Variants in ZNF532 observed in about 807,000 individuals in gnomAD.
The protein encoded by ZNF532 is zinc finger protein 532.
In ZNF532, 22 loss-of-function variants were observed where a neutral mutation model predicts 89.3. The ratio of observed to expected loss-of-function variants is 0.25; its 90% CI spans 0.18 to 0.35. The LOEUF is 0.35. Ranked by LOEUF, ZNF532 falls within the 10% of genes least tolerant of loss-of-function variation. The probability of loss-of-function intolerance (pLI) is 1.00; values close to 1 mark genes in which losing one functional copy is unlikely to be tolerated. For synonymous variants in ZNF532, 606 were observed against 649.6 expected, an observed-to-expected ratio of 0.93 and a Z score of 1.02; for missense variants, 1,132 against 1,643.4, an observed-to-expected ratio of 0.69 and a Z score of 5.38.
At chr18:58,952,949 G>A (rs2064365340) in intron 6 of ZNF532, among the ~76,000 whole-genome samples, 1 of 152,254 alleles carries the variant, frequency 6.6e-6, no homozygotes, top group African/African-American at 2.4e-5. Flanking sequence ...AGGATGGGTC[G>A]GGATAGGATG....
At chr18:58,937,788 A>G (rs1366796283) in intron 4 of ZNF532, among the ~76,000 whole-genome samples, 2 of 152,210 alleles carry the variant, frequency 1.3e-5, no homozygotes, top group Non-Finnish European at 2.9e-5. Flanking sequence ...CATTTTACAA[A>G]TGAGTAACTG....
At chr18:58,947,708 G>A (rs1050237660) in intron 5 of ZNF532, among the ~76,000 whole-genome samples, 1 of 149,440 alleles carries the variant, frequency 6.7e-6, no homozygotes, top group Non-Finnish European at 1.5e-5. Flanking sequence ...TGCCTTGTCT[G>A]ATCTTAAAAA....
intron 2 of ZNF532, among the ~76,000 whole-genome samples, chr18:58,899,128 G>A (rs1029566904): frequency 1.3e-5 from 2 of 152,218 alleles, no homozygotes; most frequent in African/African-American, 2.4e-5. Flanking sequence ...CAGCGAGTCC[G>A]TGTGATTGTT....
At chr18:58,922,953 G>C (rs545372117) in intron 3 of ZNF532, among the ~76,000 whole-genome samples, 1 of 151,660 alleles carries the variant, frequency 6.6e-6, no homozygotes, top group Non-Finnish European at 1.5e-5. Flanking sequence ...AGGGTGAAAC[G>C]GGTGAAACTC....
chr18:58,979,132 C>T lies in ZNF532; in HGVS notation c.3228C>T (p.Ile1076=), dbSNP rs1245669972. The T allele has an allele frequency of 1.2e-6, 2 of 1,613,282 alleles. No individual in the cohort carries two copies. Residue 1076 remains isoleucine, a synonymous_variant, in exon 8 of 10, where the codon ATC becomes ATT. Coordinates refer to ENST00000591808, the MANE Select transcript of ZNF532 (RefSeq NM_001375912.1). ...ACAGCCTGTGCCGGCACAACCGGAT[C>T]AAGCACAAAGGCATCAGGAAAGTGT... The part of the protein sequence containing the change: ...SSHSLCRHNR[I]KHKGIRKVYA...
chr18:58,960,147 C>G (rs1433971054), intron 7 of ZNF532, among the ~76,000 whole-genome samples: 1 of 152,178 alleles, frequency 6.6e-6, no homozygotes, highest in Non-Finnish European at 1.5e-5. Flanking sequence ...CCCTGTTGCC[C>G]AGGCTGGTCT....
chr18:58,972,706 A>G (rs528522345), intron 7 of ZNF532, among the ~76,000 whole-genome samples: 1 of 152,122 alleles, frequency 6.6e-6, no homozygotes, highest in African/African-American at 2.4e-5. Context: ...GCTCGCCTCT[A>G]TCCTCAGTCT....
chr18:58,952,383 T>A (rs1003398046), intron 6 of ZNF532, among the ~76,000 whole-genome samples: 2 of 152,186 alleles, frequency 1.3e-5, no homozygotes, highest in African/African-American at 2.4e-5. Context: ...TATTTTTTGC[T>A]CTCCTCCACC....
rs73959550 is a variant in ZNF532 at position 58,968,923 on chromosome 18, C to T, written c.3151-10132C>T. The stretch of plus-strand genomic sequence containing the variant: ...ATTTTAAGAATTTAGGACATGATTC[C>T]GTCTGTAAATTGACATTACCTTGAA... On this transcript the variant is annotated intron_variant, in intron 7 of 9. Transcript: ENST00000591808. Among the ~76,000 whole-genome samples the T allele has an allele frequency of 9.0e-3, 1,371 of 152,218 alleles. 27 individuals carry two copies. The highest frequency in any genetic ancestry group is 0.031 in the African/African-American group (1,286 of 41,530).
intron 2 of ZNF532, among the ~76,000 whole-genome samples, chr18:58,913,144 T>C (rs948799865): frequency 6.6e-6 from 1 of 152,176 alleles, no homozygotes; most frequent in African/African-American, 2.4e-5. Context: ...TTTTCTTTTC[T>C]TTGGTGGAAG....
rs947003793 is a variant in ZNF532 at position 58,954,063 on chromosome 18, A to C, written c.3150+264A>C. The C allele has an allele frequency of 3.1e-6, 3 of 982,802 alleles. No homozygotes were observed. The African/African-American group carries it at 5.2e-5, about 17-fold the overall frequency. The allele number at this position is 982,802 out of a possible 1,614,324, so 60.9% of individuals were successfully genotyped here. ...ATGTGGTAAGTTACCTATCACATTC[A>C]TATTTATAGCTTAGGAAAGAGAAAA... On this transcript the variant is annotated intron_variant, in intron 7 of 9. Coordinates refer to ENST00000591808, the MANE Select transcript of ZNF532 (RefSeq NM_001375912.1).
chr18:58,979,007 G>C lies in ZNF532; in HGVS notation c.3151-48G>C, dbSNP rs754879848. 31 of 1,417,152 alleles carry C rather than the reference G, an allele frequency of 2.2e-5. 1 individual carries two copies. In the South Asian group the frequency reaches 3.6e-4, roughly 17 times the overall value. The allele number at this position is 1,417,152 out of a possible 1,614,324, so 87.8% of individuals were successfully genotyped here. On this transcript the variant is annotated intron_variant, in intron 7 of 9. Coordinates refer to ENST00000591808, the MANE Select transcript of ZNF532 (RefSeq NM_001375912.1). ...TACAAAAGAGTTCTTAATTGTTTGA[G>C]TGCATCTATTTTCATTCCCTTAAGT... is the stretch of plus-strand genomic sequence containing the variant.
chr18:58,885,679 A>G (rs2058248449), intron 2 of ZNF532, among the ~76,000 whole-genome samples: 1 of 151,706 alleles, frequency 6.6e-6, no homozygotes, highest in South Asian at 2.1e-4. Flanking sequence ...ACATGGTGAA[A>G]CTCCGTTTCT....
At chr18:58,963,148 C>G (rs964887688) in intron 7 of ZNF532, among the ~76,000 whole-genome samples, 5 of 152,160 alleles carry the variant, frequency 3.3e-5, no homozygotes, top group Non-Finnish European at 7.4e-5. Context: ...GCAGGGGACA[C>G]AACTCTCTGG....
chr18:58,920,125 C>T lies in ZNF532; in HGVS notation c.1838C>T (p.Thr613Met), dbSNP rs570367575. 6.0e-5 allele frequency: 97 copies of T among 1,613,966 alleles called. No homozygotes were observed. In the South Asian group the frequency reaches 7.1e-4, roughly 12 times the overall value. ...GCCAATGCAGGGATCACGTTACCGA[C>T]GCGTGGGTACAAGTGCTTGGAGTGT... ...PPANAGITLP[T>M]RGYKCLECGD... Residue 613 changes from threonine (T) to methionine (M), a missense_variant, in exon 3 of 10, where the codon ACG becomes ATG. By Grantham distance (81) the Thr-to-Met change is moderately conservative. Coordinates refer to ENST00000591808, the MANE Select transcript of ZNF532 (RefSeq NM_001375912.1).
chr18:58,954,661 C>CT (rs141106605), intron 7 of ZNF532, among the ~76,000 whole-genome samples: 16,654 of 128,952 alleles, frequency 0.13, 1,006 homozygotes, highest in South Asian at 0.16. Context: ...GTAATTGATA[C>CT]TTTTTTTTTT....
At chr18:58,967,557 C>G (rs1187141247) in intron 7 of ZNF532, among the ~76,000 whole-genome samples, 1 of 152,218 alleles carries the variant, frequency 6.6e-6, no homozygotes, top group Non-Finnish European at 1.5e-5. Context: ...GTGCACCCTT[C>G]CGTGCACCTG....
At chr18:58,934,386 A>T in intron 3 of ZNF532, 47 bp from the exon 4 acceptor site, 1 of 1,550,486 alleles carries the variant, frequency 6.4e-7, no homozygotes, top group Non-Finnish European at 8.8e-7. Flanking sequence ...TGCATATTAG[A>T]AAGTACTTAG....
intron 5 of ZNF532, among the ~76,000 whole-genome samples, chr18:58,943,512 T>G (rs1475072586): frequency 2.7e-5 from 4 of 146,422 alleles, no homozygotes; most frequent in Non-Finnish European, 4.5e-5. Context: ...TGCCAGGCTG[T>G]AGTGCAGTGG....
Sources: allele counts gnomAD v4.1 joint callset (sites outside exome capture counted in the v4.1 genomes callset), GRCh38; gene constraint gnomAD v4.1.1; transcripts MANE v1.5; gene names NCBI Gene and HGNC (gene_info 2026-07-23, HGNC 2026-07-21).